AHI1: variants seen among roughly 807,000 people sequenced by gnomAD.
AHI1 encodes the protein Abelson helper integration site 1.
AHI1 carries 123 observed loss-of-function variants against 149.3 expected under a neutral mutation model. The ratio of observed to expected loss-of-function variants is 0.82; its 90% CI spans 0.71 to 0.96. AHI1 has a LOEUF of 0.96. Among genes scored for constraint, AHI1 ranks in the 40% least tolerant of loss-of-function variants. The pLI, the probability that AHI1 is intolerant of heterozygous loss-of-function variation, is 0.00. For synonymous variants in AHI1, 475 were observed against 459.8 expected (o/e 1.03, Z -0.42); for missense variants, 1,439 against 1,422.7 (o/e 1.01, Z -0.18).
rs1562270764 is a variant in AHI1, at chr6:135,479,649, G to C, written c.135+10974C>G. 3.9e-5 allele frequency among the ~76,000 whole-genome samples: 6 copies of C among 152,138 alleles called. No homozygotes were observed. In the South Asian group the frequency reaches 1.2e-3, roughly 31 times the overall value. On this transcript the variant is annotated intron_variant, in intron 5 of 28. Transcript: ENST00000265602. ...CTTGTGACAGATGAGATTTTGGACT[G>C]TGGAATTTCGGGTTCATGTTGAAAT... is the stretch of plus-strand genomic sequence containing the variant.
At chr6:135,305,795 C>T (rs1292915135) in intron 26 of AHI1, among the ~76,000 whole-genome samples, 3 of 152,220 alleles carry the variant, frequency 2.0e-5, no homozygotes, top group Non-Finnish European at 4.4e-5. Context: ...CAAGGACCTC[C>T]TCAATCCTGT....
At chr6:135,491,835 AAGAGACAG>A (rs2128135626) in intron 4 of AHI1, among the ~76,000 whole-genome samples, 2 of 152,374 alleles carry the variant, frequency 1.3e-5, no homozygotes, top group Non-Finnish European at 2.9e-5. Flanking sequence ...CATGCTTTAA[AAGAGACAG>A]AGAGACAGAG....
At chr6:135,324,361 G>A (rs921001453) in intron 24 of AHI1, among the ~76,000 whole-genome samples, 1 of 151,512 alleles carries the variant, frequency 6.6e-6, no homozygotes. Flanking sequence ...ATCCCTTATA[G>A]TAGTTAAAGG....
At chr6:135,311,210 G>A (rs12208826) in intron 26 of AHI1, among the ~76,000 whole-genome samples, 21,573 of 150,874 alleles carry the variant, frequency 0.14, 1,884 homozygotes, top group Non-Finnish European at 0.2. Flanking sequence ...ACTGAGGCAG[G>A]AGAATCACTT....
At chr6:135,322,615 C>T (rs1289403197) in intron 25 of AHI1, among the ~76,000 whole-genome samples, 1 of 152,164 alleles carries the variant, frequency 6.6e-6, no homozygotes, top group Non-Finnish European at 1.5e-5. Context: ...AACACGTGCA[C>T]ATAACTTTTA....
chr6:135,431,386 GGAAAC>G, intron 16 of AHI1, 72 bp from the exon 17 acceptor site: 1 of 908,378 alleles, frequency 1.1e-6, no homozygotes, highest in Non-Finnish European at 1.7e-6. Context: ...GGAAATCGGG[GGAAAC>G]TATACCCCAG....
chr6:135,483,464 T>C (rs1189277320), intron 5 of AHI1, among the ~76,000 whole-genome samples: 1 of 152,134 alleles, frequency 6.6e-6, no homozygotes. Context: ...AAAGAACTAT[T>C]ATAAAAATAA....
At chr6:135,455,041 T>C (rs1244060040) in intron 10 of AHI1, among the ~76,000 whole-genome samples, 1 of 152,180 alleles carries the variant, frequency 6.6e-6, no homozygotes, top group Non-Finnish European at 1.5e-5. Context: ...TCTATTGTCC[T>C]TTGCTTATGG....
chr6:135,389,831 A>G (rs1019683159), intron 23 of AHI1, among the ~76,000 whole-genome samples: 1 of 152,222 alleles, frequency 6.6e-6, no homozygotes, highest in South Asian at 2.1e-4. Flanking sequence ...GCCAGTAGTA[A>G]CACTTCCTGC....
chr6:135,487,682 ATCTTC>A (rs1351470839), intron 5 of AHI1, among the ~76,000 whole-genome samples: 1 of 152,120 alleles, frequency 6.6e-6, no homozygotes, highest in East Asian at 1.9e-4. Flanking sequence ...GGGAACATAA[ATCTTC>A]TCTTCTGGCT....
intron 5 of AHI1, among the ~76,000 whole-genome samples, chr6:135,470,654 T>A (rs1428525254): frequency 6.6e-6 from 1 of 152,114 alleles, no homozygotes; most frequent in Non-Finnish European, 1.5e-5. Context: ...AACGAGATCA[T>A]GTCCTTTGCA....
intron 20 of AHI1, among the ~76,000 whole-genome samples, chr6:135,412,074 T>A (rs1781680172): frequency 6.6e-6 from 1 of 151,498 alleles, no homozygotes; most frequent in African/African-American, 2.4e-5. Context: ...GCACCGTAAT[T>A]TTTTTTTTAC....
chr6:135,315,154 T>C (rs1326770213), intron 26 of AHI1, among the ~76,000 whole-genome samples: 2 of 152,222 alleles, frequency 1.3e-5, no homozygotes, highest in East Asian at 1.9e-4. Flanking sequence ...GGAATCTTAA[T>C]GTTCAAGAGT....
At chr6:135,338,349 C>A (rs866798267) in intron 24 of AHI1, among the ~76,000 whole-genome samples, 2 of 150,878 alleles carry the variant, frequency 1.3e-5, no homozygotes, top group South Asian at 4.2e-4. Context: ...AATATCCCTG[C>A]GTTAGCACGT....
At chr6:135,464,099 C>T (rs911915555) in intron 7 of AHI1, among the ~76,000 whole-genome samples, 1 of 151,626 alleles carries the variant, frequency 6.6e-6, no homozygotes, top group Admixed American at 6.6e-5. Flanking sequence ...AAAGAAAAAC[C>T]AGCCTACTAA....
At chr6:135,436,664 GC>G (rs1357404333) in intron 15 of AHI1, among the ~76,000 whole-genome samples, 1 of 152,102 alleles carries the variant, frequency 6.6e-6, no homozygotes, top group East Asian at 1.9e-4. Context: ...GTGCAATGGC[GC>G]AATCTCGGCT....
chr6:135,364,698 C>A (rs1457079171), intron 23 of AHI1, among the ~76,000 whole-genome samples: 2 of 152,104 alleles, frequency 1.3e-5, no homozygotes, highest in Admixed American at 1.3e-4. Flanking sequence ...GAGACCAGCC[C>A]GGCCAACACA....
At chr6:135,342,080 A>G (rs1790459695) in intron 24 of AHI1, among the ~76,000 whole-genome samples, 1 of 151,956 alleles carries the variant, frequency 6.6e-6, no homozygotes, top group Non-Finnish European at 1.5e-5. Flanking sequence ...AAAAGGTAAG[A>G]TCCAAATTAA....
At chr6:135,400,354 A>G (rs116145638) in intron 22 of AHI1, among the ~76,000 whole-genome samples, 5,073 of 152,246 alleles carry the variant, frequency 0.033, 194 homozygotes, top group African/African-American at 0.088. Flanking sequence ...ATTCGACTAC[A>G]ATATACATTA....
Sources: gnomAD v4.1 joint callset for allele counts (sites outside exome capture counted in the v4.1 genomes callset) on GRCh38, gnomAD v4.1.1 for gene constraint, MANE v1.5 for transcripts, NCBI Gene and HGNC (gene_info 2026-07-23, HGNC 2026-07-21) for gene names.